The following VAPB variants were observed in gnomAD, a reference collection of about 807,000 sequenced individuals.
VAPB encodes the protein vesicle-associated membrane protein-associated protein B/C.
A neutral mutation model predicts 25.6 loss-of-function variants in VAPB; 7 were observed. The observed-to-expected ratio is 0.27, with a 90% CI of 0.16 to 0.51. The LOEUF (loss-of-function observed/expected upper bound fraction) is 0.51. VAPB is among the 20% of genes least tolerant of loss of function. The probability of loss-of-function intolerance (pLI) is 0.97; values close to 1 mark genes in which losing one functional copy is unlikely to be tolerated. For synonymous variants in VAPB, 112 were observed against 109.2 expected, an observed-to-expected ratio of 1.03 and a Z score of -0.16; for missense variants, 266 against 301.3, an observed-to-expected ratio of 0.88 and a Z score of 0.87.
rs778752393 is a variant in VAPB, at chr20:58,451,022, T to C, written c.*6787T>C. The C allele has an allele frequency of 7.1e-5, 32 of 450,426 alleles. 1 individual carries two copies. Among genetic ancestry groups the C allele is most frequent in the South Asian group, 5.0e-4 (32 of 63,916 alleles). 27.9% of individuals were successfully genotyped at this position (450,426 alleles called of 1,614,324 possible). A position where few individuals can be genotyped will look rare whatever the true frequency, so the allele number is the denominator to read the frequency against. On this transcript the variant is annotated 3_prime_UTR_variant, in exon 6 of 6. Transcript: ENST00000475243. Reference sequence around the variant, plus strand: ...GTTCCATTATCAGCCTGATGAAACCTGCCCTGCCAAGGCATAAACTTTTGT... The same window carrying C: ...GTTCCATTATCAGCCTGATGAAACCCGCCCTGCCAAGGCATAAACTTTTGT...
chr20:58,397,194 CA>C (rs1987979537), intron 1 of VAPB, among the ~76,000 whole-genome samples: 1 of 152,270 alleles, frequency 6.6e-6, no homozygotes, highest in African/African-American at 2.4e-5. Context: ...ACTTTTATAT[CA>C]GATTCTGATG....
chr20:58,425,629 G>GA (rs1231520263), intron 2 of VAPB, among the ~76,000 whole-genome samples: 1 of 152,162 alleles, frequency 6.6e-6, no homozygotes, highest in East Asian at 1.9e-4. Flanking sequence ...GGTATGAAAT[G>GA]GTGTTTCAGC....
intron 1 of VAPB, among the ~76,000 whole-genome samples, chr20:58,406,203 T>C (rs375823489): frequency 2.6e-5 from 4 of 152,170 alleles, no homozygotes; most frequent in African/African-American, 4.8e-5. Flanking sequence ...GCTGCAGATA[T>C]AAATTTGGCA....
At chr20:58,410,538 C>G (rs1041175118) in intron 1 of VAPB, among the ~76,000 whole-genome samples, 1 of 151,956 alleles carries the variant, frequency 6.6e-6, no homozygotes, top group African/African-American at 2.4e-5. Context: ...TGCCTCAGCC[C>G]CCCGAGTTGC....
At chr20:58,439,767 C>T (rs1301826508) in intron 4 of VAPB, 2 of 152,196 alleles carry the variant, frequency 1.3e-5, no homozygotes, top group African/African-American at 2.4e-5. Flanking sequence ...ACTGTGAGCG[C>T]TTTACCTTTC....
At chr20:58,407,706 C>G (rs1227214082) in intron 1 of VAPB, among the ~76,000 whole-genome samples, 1 of 148,732 alleles carries the variant, frequency 6.7e-6, no homozygotes, top group Non-Finnish European at 1.5e-5. Context: ...TGAACTATTT[C>G]CGTTTTTTTC....
At chr20:58,433,340 C>T (rs1302004896) in intron 2 of VAPB, among the ~76,000 whole-genome samples, 6 of 152,306 alleles carry the variant, frequency 3.9e-5, no homozygotes, top group African/African-American at 9.6e-5. Context: ...TTGTAGACCA[C>T]GGCTATCCTG....
chr20:58,402,322 A>G (rs192161951), intron 1 of VAPB, among the ~76,000 whole-genome samples: 349 of 152,230 alleles, frequency 2.3e-3, no homozygotes, highest in Non-Finnish European at 3.9e-3. Flanking sequence ...ATAAAGTAAC[A>G]GTTTTTAGCT....
chr20:58,414,449 G>T (rs1240124954), intron 1 of VAPB, among the ~76,000 whole-genome samples: 1 of 149,592 alleles, frequency 6.7e-6, no homozygotes, highest in South Asian at 2.1e-4. Flanking sequence ...CCGGGCGGAG[G>T]GTCTCCCCAC....
At chr20:58,414,493 T>G (rs1325015205) in intron 1 of VAPB, among the ~76,000 whole-genome samples, 1 of 147,856 alleles carries the variant, frequency 6.8e-6, no homozygotes, top group Non-Finnish European at 1.5e-5. Context: ...GCAGAGGGTC[T>G]CCTCACCTCT....
intron 2 of VAPB, among the ~76,000 whole-genome samples, chr20:58,423,707 T>C (rs558413553): frequency 6.6e-6 from 1 of 152,138 alleles, no homozygotes; most frequent in Non-Finnish European, 1.5e-5. Context: ...GGAGCTGCAT[T>C]TGGGGAGTTT....
In VAPB at chr20:58,421,676, A is replaced by G. The variant is rs187695244; in HGVS notation, c.211+3313A>G. On this transcript the variant is annotated intron_variant, in intron 2 of 5. Coordinates refer to ENST00000475243, the MANE Select transcript of VAPB (RefSeq NM_004738.5). ...CGGGAAGGCTGTAAATCATTATTTT[A>G]AAGAGAGGAGGGAGGGAGGGGGAAG... 2.1e-3 allele frequency among the ~76,000 whole-genome samples: 314 copies of G among 152,176 alleles called. 1 individual carries two copies. Among genetic ancestry groups the G allele is most frequent in the African/African-American group, 7.2e-3 (298 of 41,516 alleles).
At chr20:58,411,789 C>T (rs1988387125) in intron 1 of VAPB, among the ~76,000 whole-genome samples, 1 of 152,230 alleles carries the variant, frequency 6.6e-6, no homozygotes, top group Non-Finnish European at 1.5e-5. Context: ...GGCCATTCCC[C>T]TGCCTCAGCC....
Position 58,447,322 on chromosome 20 carries a change from T to A in VAPB, c.*3087T>A, listed in dbSNP as rs1989315718. On this transcript the variant is annotated 3_prime_UTR_variant, in exon 6 of 6. Transcript: ENST00000475243. Reference sequence around the variant, plus strand: ...TGTGAGGAACTGGCTTTAACTTTTTTCTCCTCCTAGTTTGCATGTTTTCCT... The same window carrying A: ...TGTGAGGAACTGGCTTTAACTTTTTACTCCTCCTAGTTTGCATGTTTTCCT... 1 of 454,004 alleles carries A rather than the reference T, an allele frequency of 2.2e-6. No homozygotes were observed. The highest frequency in any genetic ancestry group is 6.9e-5 in the East Asian group (1 of 14,406). The allele number at this position is 454,004 out of a possible 1,614,324, so 28.1% of individuals were successfully genotyped here.
chr20:58,440,849 A>G, intron 4 of VAPB, 58 bp from the exon 5 acceptor site: 1 of 1,560,054 alleles, frequency 6.4e-7, no homozygotes, highest in Non-Finnish European at 8.8e-7. Flanking sequence ...TACTTTGCAT[A>G]AAAAAGTCCA....
Position 58,449,897 on chromosome 20 carries a change from AC to A in VAPB, c.*5665del. Reference sequence around the variant, plus strand: ...GCTGTCAGAGCTTCGTTTCACTGATACCCAAAGCCATGTCTGACTGAAATAA... The same window carrying A: ...GCTGTCAGAGCTTCGTTTCACTGATACCAAAGCCATGTCTGACTGAAATAA... On this transcript the variant is annotated 3_prime_UTR_variant, in exon 6 of 6. Coordinates refer to ENST00000475243, the MANE Select transcript of VAPB (RefSeq NM_004738.5). 2.2e-6 allele frequency: 1 copy of A among 453,950 alleles called. No individual in the cohort carries two copies. Among genetic ancestry groups the A allele is most frequent in the East Asian group, 6.9e-5 (1 of 14,394 alleles). 28.1% of individuals were successfully genotyped at this position (453,950 alleles called of 1,614,324 possible).
At position 58,445,682 on chromosome 20, in the gene VAPB, CTCTGTGTGTGTG is replaced by C. The variant is rs1989268122; in HGVS notation, c.*1449_*1460del. ...GAGAAATACGTGTTTCATGATTTAACTCTGTGTGTGTGTGTGTGTGTGTGTGTGTGTGTGTGT... is the reference window on the plus strand; with the variant it reads ...GAGAAATACGTGTTTCATGATTTAACTGTGTGTGTGTGTGTGTGTGTGTGT... On this transcript the variant is annotated 3_prime_UTR_variant, in exon 6 of 6. Coordinates refer to ENST00000475243, the MANE Select transcript of VAPB (RefSeq NM_004738.5). 2.3e-6 allele frequency: 1 copy of C among 426,204 alleles called. No homozygotes were observed. The highest frequency in any genetic ancestry group is 2.5e-5 in the Admixed American group (1 of 40,118). The allele number at this position is 426,204 out of a possible 1,614,324, so 26.4% of individuals were successfully genotyped here.
At chr20:58,399,156 C>A (rs1988034589) in intron 1 of VAPB, among the ~76,000 whole-genome samples, 1 of 151,812 alleles carries the variant, frequency 6.6e-6, no homozygotes, top group Admixed American at 6.6e-5. Context: ...CAAAAGTTAG[C>A]CGGGCGTGGT....
chr20:58,393,253 A>G (rs1987853899), intron 1 of VAPB, among the ~76,000 whole-genome samples: 1 of 152,166 alleles, frequency 6.6e-6, no homozygotes, highest in Non-Finnish European at 1.5e-5. Flanking sequence ...CTGGTCTTGA[A>G]TTCCTGGCCT....
Sources: allele counts gnomAD v4.1 joint callset (sites outside exome capture counted in the v4.1 genomes callset), GRCh38; gene constraint gnomAD v4.1.1; transcripts MANE v1.5; gene names NCBI Gene and HGNC (gene_info 2026-07-23, HGNC 2026-07-21).